The following DIAPH3 variants were observed in gnomAD, a reference collection of about 807,000 sequenced individuals.
DIAPH3 encodes the protein diaphanous related formin 3, also known as protein diaphanous homolog 3.
In DIAPH3, 117 loss-of-function variants were observed where a neutral mutation model predicts 144.3. The observed-to-expected ratio is 0.81, with a 90% CI of 0.70 to 0.95. The LOEUF (loss-of-function observed/expected upper bound fraction) is 0.95. DIAPH3 is among the 40% of genes least tolerant of loss of function. DIAPH3 has a pLI of 0.00. For synonymous variants in DIAPH3, 519 were observed against 488.9 expected (o/e 1.06, Z -0.81); for missense variants, 1,421 against 1,412.7 (o/e 1.01, Z -0.09).
chr13:59,731,556 T>C (rs1313632566), intron 27 of DIAPH3, among the ~76,000 whole-genome samples: 1 of 152,146 alleles, frequency 6.6e-6, no homozygotes, highest in Non-Finnish European at 1.5e-5. Context: ...CATATCTACT[T>C]CTGTATGACA....
At chr13:60,008,073 C>T (rs1200229747) in intron 9 of DIAPH3, among the ~76,000 whole-genome samples, 3 of 152,024 alleles carry the variant, frequency 2.0e-5, no homozygotes, top group Non-Finnish European at 4.4e-5. Flanking sequence ...AATTATGACA[C>T]AGTACAAATA....
chr13:59,902,514 T>C (rs2046496363), intron 20 of DIAPH3, among the ~76,000 whole-genome samples: 1 of 152,130 alleles, frequency 6.6e-6, no homozygotes, highest in Non-Finnish European at 1.5e-5. Context: ...AGGTGTTTCT[T>C]TATAGTCCTA....
chr13:59,779,277 A>T (rs341540), intron 25 of DIAPH3, among the ~76,000 whole-genome samples: 108,858 of 152,128 alleles, frequency 0.72, 39,401 homozygotes, highest in Admixed American at 0.78. Context: ...AGACTATTAT[A>T]TACATAATCA....
At chr13:59,921,311 C>T (rs1324281065) in intron 18 of DIAPH3, among the ~76,000 whole-genome samples, 1 of 148,956 alleles carries the variant, frequency 6.7e-6, no homozygotes, top group Admixed American at 6.7e-5. Flanking sequence ...CCAAAAATTT[C>T]ATTTTTGGAA....
At chr13:59,876,199 T>A (rs1374840744) in intron 21 of DIAPH3, among the ~76,000 whole-genome samples, 1 of 152,168 alleles carries the variant, frequency 6.6e-6, no homozygotes, top group Non-Finnish European at 1.5e-5. Context: ...GTGTGAAAAT[T>A]CAATCACAAT....
intron 25 of DIAPH3, among the ~76,000 whole-genome samples, chr13:59,788,877 G>C (rs2139387487): frequency 6.6e-6 from 1 of 152,236 alleles, no homozygotes; most frequent in African/African-American, 2.4e-5. Context: ...ACCACATGGT[G>C]CTGAAAAAAG....
At position 60,125,394 on chromosome 13, in the gene DIAPH3, A is replaced by ATTTTTTTTTTTTTTTTT. The variant is rs56267083; in HGVS notation, c.213+7546_213+7562dup. On this transcript the variant is annotated intron_variant, in intron 2 of 27. Transcript: ENST00000400324. Reference sequence around the variant, plus strand: ...ATCTGCATACCATCACACCCAGCTAATTTTTTTTTTTTTTTTTTTTTTTTT... The same window carrying ATTTTTTTTTTTTTTTTT: ...ATCTGCATACCATCACACCCAGCTAATTTTTTTTTTTTTTTTTTTTTTTTTTTTTTTTTTTTTTTTTT... Among the ~76,000 whole-genome samples the ATTTTTTTTTTTTTTTTT allele has an allele frequency of 1.6e-4, 16 of 97,864 alleles. 1 individual carries two copies. Among genetic ancestry groups the ATTTTTTTTTTTTTTTTT allele is most frequent in the South Asian group, 3.5e-4 (1 of 2,874 alleles). 64.2% of individuals were successfully genotyped at this position (97,864 alleles called of 152,430 possible).
At chr13:59,840,910 G>A in intron 22 of DIAPH3, among the ~76,000 whole-genome samples, 1 of 151,286 alleles carries the variant, frequency 6.6e-6, no homozygotes, top group East Asian at 1.9e-4. Context: ...CTGAGTCATT[G>A]TCTCAAATTT....
At chr13:59,718,798 A>G (rs1170404310) in intron 27 of DIAPH3, among the ~76,000 whole-genome samples, 1 of 152,146 alleles carries the variant, frequency 6.6e-6, no homozygotes, top group Non-Finnish European at 1.5e-5. Flanking sequence ...AATATTTTGA[A>G]CTGGTTTTCA....
chr13:60,077,964 T>C (rs1241497969), intron 4 of DIAPH3, among the ~76,000 whole-genome samples: 1 of 152,132 alleles, frequency 6.6e-6, no homozygotes, highest in East Asian at 1.9e-4. Context: ...TATTTCTGAT[T>C]GTAAATTACT....
In DIAPH3 at chr13:59,983,816, T is replaced by C. The variant is rs2051192173; in HGVS notation, c.1433A>G (p.Asp478Gly). Residue 478 changes from aspartate (D) to glycine (G), a missense_variant, in exon 13 of 28, where the codon GAC (aspartate) becomes GGC (glycine). Transcript: ENST00000400324. Reference protein sequence around the residue: ...IVLHRDGMDPDFTYRKRLDLD... With the variant: ...IVLHRDGMDPGFTYRKRLDLD... Reference sequence around the variant, plus strand: ...ATCTAGTCTTTTTCGATATGTGAAGTCTGGATCCATTCCATCTCTATGCAA... The same window carrying C: ...ATCTAGTCTTTTTCGATATGTGAAGCCTGGATCCATTCCATCTCTATGCAA... 2 of 1,610,030 alleles carry C rather than the reference T, an allele frequency of 1.2e-6. No homozygotes were observed. Among genetic ancestry groups the C allele is most frequent in the Non-Finnish European group, 8.5e-7 (1 of 1,177,356 alleles).
chr13:60,074,506 T>C (rs1387752882), intron 4 of DIAPH3, among the ~76,000 whole-genome samples: 1 of 152,176 alleles, frequency 6.6e-6, no homozygotes, highest in African/African-American at 2.4e-5. Context: ...TGTCAAAAAA[T>C]ACTATCCTGA....
intron 9 of DIAPH3, among the ~76,000 whole-genome samples, chr13:60,007,298 G>T (rs573833457): frequency 2.6e-5 from 4 of 152,128 alleles, no homozygotes; most frequent in Non-Finnish European, 5.9e-5. Flanking sequence ...TGATCTGCCT[G>T]CCTCAGCCTC....
intron 24 of DIAPH3, among the ~76,000 whole-genome samples, chr13:59,828,770 C>G (rs1354909220): frequency 6.6e-6 from 1 of 151,504 alleles, no homozygotes; most frequent in Non-Finnish European, 1.5e-5. Context: ...AAAAATAAAG[C>G]TAAAGAAAAT....
intron 12 of DIAPH3, among the ~76,000 whole-genome samples, chr13:59,984,167 A>C (rs1465632433): frequency 1.3e-5 from 2 of 151,716 alleles, no homozygotes; most frequent in Admixed American, 6.6e-5. Flanking sequence ...AAATTAGCTG[A>C]AAGTGAAGTG....
chr13:59,783,069 T>C (rs76455986), intron 25 of DIAPH3, among the ~76,000 whole-genome samples: 8,568 of 152,154 alleles, frequency 0.056, 332 homozygotes, highest in South Asian at 0.14. Context: ...ATTTCTACTT[T>C]AGAAAGAATA....
chr13:60,018,420 C>A (rs1035790758), intron 5 of DIAPH3, among the ~76,000 whole-genome samples: 2 of 152,014 alleles, frequency 1.3e-5, no homozygotes, highest in Non-Finnish European at 2.9e-5. Context: ...TCAGTAAGTT[C>A]TCTGATCTAC....
At chr13:60,100,271 C>T (rs1384561016) in intron 3 of DIAPH3, among the ~76,000 whole-genome samples, 3 of 152,054 alleles carry the variant, frequency 2.0e-5, no homozygotes, top group Admixed American at 6.5e-5. Context: ...GGCTGATCAC[C>T]TCTGTGGTAT....
chr13:60,003,948 T>A (rs533371043), intron 9 of DIAPH3, among the ~76,000 whole-genome samples: 1 of 152,100 alleles, frequency 6.6e-6, no homozygotes, highest in South Asian at 2.1e-4. Flanking sequence ...TTTCTTACTA[T>A]ATAATATCAA....
Sources: allele counts gnomAD v4.1 joint callset (sites outside exome capture counted in the v4.1 genomes callset), GRCh38; gene constraint gnomAD v4.1.1; transcripts MANE v1.5; gene names NCBI Gene and HGNC (gene_info 2026-07-23, HGNC 2026-07-21).